Variants in MAGI2 observed in about 807,000 individuals in gnomAD.
MAGI2 encodes membrane associated guanylate kinase, WW and PDZ domain containing 2, also known as membrane-associated guanylate kinase, WW and PDZ domain-containing protein 2.
In MAGI2, 35 loss-of-function variants were observed where a neutral mutation model predicts 133.3. That is an observed-to-expected ratio of 0.26 (90% CI 0.20 to 0.35). The LOEUF (loss-of-function observed/expected upper bound fraction) is 0.35, where lower values mean the gene tolerates loss of function less well. Ranked by LOEUF, MAGI2 falls within the 10% of genes least tolerant of loss-of-function variation. The pLI is 1.00. For missense variants in MAGI2, 1,636 were observed against 1,863.4 expected (o/e 0.88, Z 2.25); for synonymous variants, 729 against 710.6 (o/e 1.03, Z -0.41).
intron 3 of MAGI2, among the ~76,000 whole-genome samples, chr7:78,579,802 AT>A (rs1323266368): frequency 6.6e-6 from 1 of 151,980 alleles, no homozygotes; most frequent in East Asian, 1.9e-4. Context: ...TTGTTAATCT[AT>A]TTTTTTCTTA....
chr7:78,813,603 G>A (rs1789268628), intron 2 of MAGI2, among the ~76,000 whole-genome samples: 1 of 152,008 alleles, frequency 6.6e-6, no homozygotes, highest in Non-Finnish European at 1.5e-5. Flanking sequence ...GGCTAGCACA[G>A]TGAAACACCG....
chr7:78,529,533 C>T (rs1455703616), intron 3 of MAGI2, among the ~76,000 whole-genome samples: 2 of 151,808 alleles, frequency 1.3e-5, no homozygotes, highest in African/African-American at 2.4e-5. Context: ...TGAGTATATC[C>T]CATTTAAAGA....
intron 2 of MAGI2, chr7:78,902,647 A>G (rs560032774): frequency 6.6e-6 from 1 of 152,320 alleles, no homozygotes; most frequent in Admixed American, 6.5e-5. Context: ...TCACATACAG[A>G]AAATCAATAG....
At chr7:79,066,130 C>T (rs1375885099) in intron 1 of MAGI2, among the ~76,000 whole-genome samples, 5 of 152,000 alleles carry the variant, frequency 3.3e-5, no homozygotes, top group East Asian at 3.9e-4. Context: ...CTTGAGGAAT[C>T]GCCATAGTGT....
intron 19 of MAGI2, among the ~76,000 whole-genome samples, chr7:78,126,960 CTATT>C (rs1484648678): frequency 6.6e-6 from 1 of 152,172 alleles, no homozygotes; most frequent in Non-Finnish European, 1.5e-5. Context: ...TACTCATCCG[CTATT>C]TATTTATGTA....
intron 2 of MAGI2, among the ~76,000 whole-genome samples, chr7:78,990,470 T>C (rs1254031154): frequency 6.6e-6 from 1 of 152,056 alleles, no homozygotes. Context: ...TTACAAGAAC[T>C]GAGGATTTGC....
Position 79,389,246 on chromosome 7 carries a change from T to C in MAGI2, c.301+63774A>G, listed in dbSNP as rs549833716. On this transcript the variant is annotated intron_variant, in intron 1 of 21. Transcript: ENST00000354212. ...ACAGATATCAAGGACAATTTCAAAT[T>C]TGTGTTATTTCATAAACGCTATGGT... Among the ~76,000 whole-genome samples, 20 of 152,194 alleles carry C rather than the reference T, an allele frequency of 1.3e-4. No individual in the cohort carries two copies. In the South Asian group the frequency reaches 4.1e-3, roughly 32 times the overall value.
chr7:78,608,605 G>A (rs1437014034), intron 3 of MAGI2, among the ~76,000 whole-genome samples: 3 of 151,912 alleles, frequency 2.0e-5, no homozygotes, highest in Non-Finnish European at 2.9e-5. Context: ...TCATGCTGTT[G>A]TATCCTAGTA....
intron 1 of MAGI2, among the ~76,000 whole-genome samples, chr7:79,160,106 G>T (rs1028298069): frequency 1.2e-4 from 18 of 151,988 alleles, no homozygotes; most frequent in Non-Finnish European, 2.6e-4. Context: ...AAATCTTATA[G>T]TCATGTTAAA....
chr7:78,154,658 G>A (rs568094784), intron 16 of MAGI2, among the ~76,000 whole-genome samples: 2 of 151,706 alleles, frequency 1.3e-5, no homozygotes, highest in South Asian at 2.1e-4. Context: ...CATATATTCC[G>A]GCATAACCTC....
At chr7:79,271,281 C>T (rs1036330838) in intron 1 of MAGI2, among the ~76,000 whole-genome samples, 3 of 152,088 alleles carry the variant, frequency 2.0e-5, no homozygotes, top group East Asian at 1.9e-4. Flanking sequence ...CTTCATCTCC[C>T]CTCATGGACT....
intron 21 of MAGI2, among the ~76,000 whole-genome samples, chr7:78,058,690 C>T (rs1473872483): frequency 2.6e-5 from 4 of 151,966 alleles, no homozygotes; most frequent in Non-Finnish European, 5.9e-5. Flanking sequence ...CTCCTGGCCA[C>T]GTGTTTTTTT....
intron 1 of MAGI2, among the ~76,000 whole-genome samples, chr7:79,443,986 T>C (rs1173250236): frequency 6.6e-6 from 1 of 152,160 alleles, no homozygotes; most frequent in Non-Finnish European, 1.5e-5. Context: ...ATAAAATTTC[T>C]TCTACAAATT....
intron 1 of MAGI2, among the ~76,000 whole-genome samples, chr7:79,168,889 G>T (rs1476870): frequency 0.042 from 600 of 14,354 alleles, 9 homozygotes; most frequent in African/African-American, 0.091. Context: ...TCTAAAGATA[G>T]ATATATATAT....
At chr7:79,226,146 T>C (rs1407424283) in intron 1 of MAGI2, among the ~76,000 whole-genome samples, 1 of 152,178 alleles carries the variant, frequency 6.6e-6, no homozygotes, top group South Asian at 2.1e-4. Flanking sequence ...TAATTTAACA[T>C]CTAAATCTTA....
intron 1 of MAGI2, among the ~76,000 whole-genome samples, chr7:79,334,273 G>A (rs190055702): frequency 5.3e-5 from 8 of 152,244 alleles, no homozygotes; most frequent in African/African-American, 1.9e-4. Context: ...GCATTTCCAA[G>A]TGTCTGGTAT....
At chr7:78,876,782 G>A (rs958816185) in intron 2 of MAGI2, among the ~76,000 whole-genome samples, 1 of 152,116 alleles carries the variant, frequency 6.6e-6, no homozygotes, top group African/African-American at 2.4e-5. Flanking sequence ...TGCAATGAAT[G>A]GTCCATGCCT....
At chr7:79,449,430 T>C (rs1388247717) in intron 1 of MAGI2, among the ~76,000 whole-genome samples, 1 of 151,786 alleles carries the variant, frequency 6.6e-6, no homozygotes, top group African/African-American at 2.4e-5. Flanking sequence ...TGTAGGTCTC[T>C]ATGTGGTATT....
chr7:79,068,994 T>G lies in MAGI2; in HGVS notation c.302-61788A>C, dbSNP rs534342176. Among the ~76,000 whole-genome samples the G allele has an allele frequency of 1.1e-4, 17 of 151,582 alleles. No homozygotes were observed. The South Asian group carries it at 2.7e-3, about 24-fold the overall frequency. On this transcript the variant is annotated intron_variant, in intron 1 of 21. Transcript: ENST00000354212. Reference sequence around the variant, plus strand: ...TCCATTCTTTTGCATTGGCTGAGTTTTTTTTTTTTTTACTTCCAATTACGT... The same window carrying G: ...TCCATTCTTTTGCATTGGCTGAGTTGTTTTTTTTTTTACTTCCAATTACGT...
Sources: allele counts gnomAD v4.1 joint callset (sites outside exome capture counted in the v4.1 genomes callset), GRCh38; gene constraint gnomAD v4.1.1; transcripts MANE v1.5; gene names NCBI Gene and HGNC (gene_info 2026-07-23, HGNC 2026-07-21).